GABRB3: variants seen among roughly 807,000 people sequenced by gnomAD.
The protein encoded by GABRB3 is gamma-aminobutyric acid receptor subunit beta-3.
In GABRB3, 14 loss-of-function variants were observed where a neutral mutation model predicts 52.1. The observed-to-expected ratio is 0.27, with a 90% CI of 0.18 to 0.42. GABRB3 has a LOEUF of 0.42. Ranked by LOEUF, GABRB3 falls within the 10% of genes least tolerant of loss-of-function variation. The probability of loss-of-function intolerance (pLI) is 1.00; values close to 1 mark genes in which losing one functional copy is unlikely to be tolerated. For missense variants in GABRB3, 307 were observed against 609.1 expected (o/e 0.50, Z 5.22); for synonymous variants, 260 against 232.3 (o/e 1.12, Z -1.08).
At chr15:26,696,468 G>T (rs568395754) in intron 3 of GABRB3, among the ~76,000 whole-genome samples, 1 of 152,228 alleles carries the variant, frequency 6.6e-6, no homozygotes, top group African/African-American at 2.4e-5. Flanking sequence ...TCCAAACTTT[G>T]GGACCTGCAA....
intron 3 of GABRB3, among the ~76,000 whole-genome samples, chr15:26,650,045 G>A (rs1887149326): frequency 6.6e-6 from 1 of 152,134 alleles, no homozygotes; most frequent in African/African-American, 2.4e-5. Context: ...CAGCCAGCAA[G>A]TTTGTGTAGC....
chr15:26,659,038 T>A (rs1023111588), intron 3 of GABRB3, among the ~76,000 whole-genome samples: 1 of 152,212 alleles, frequency 6.6e-6, no homozygotes, highest in African/African-American at 2.4e-5. Context: ...AGAGGCTGCA[T>A]CCACTCTATT....
At chr15:26,761,380 G>T (rs948692997) in intron 3 of GABRB3, among the ~76,000 whole-genome samples, 1 of 145,102 alleles carries the variant, frequency 6.9e-6, no homozygotes, top group Non-Finnish European at 1.5e-5. Context: ...GGGTGACACA[G>T]CAAGACTCCA....
At chr15:26,598,553 A>C (rs1189544036) in intron 4 of GABRB3, among the ~76,000 whole-genome samples, 1 of 152,170 alleles carries the variant, frequency 6.6e-6, no homozygotes, top group African/African-American at 2.4e-5. Context: ...AGAAGAGTAA[A>C]AAGAAAGGTC....
chr15:26,580,907 T>C (rs1284884962), intron 5 of GABRB3, among the ~76,000 whole-genome samples: 1 of 152,242 alleles, frequency 6.6e-6, no homozygotes, highest in Non-Finnish European at 1.5e-5. Context: ...TCACCAGTGG[T>C]TGATTACATG....
At chr15:26,555,958 T>C (rs1419160523) in intron 8 of GABRB3, among the ~76,000 whole-genome samples, 1 of 152,160 alleles carries the variant, frequency 6.6e-6, no homozygotes, top group Non-Finnish European at 1.5e-5. Context: ...TGTTAAATCT[T>C]AGGAGCCAAA....
intron 3 of GABRB3, among the ~76,000 whole-genome samples, chr15:26,713,424 C>A (rs994127924): frequency 2.6e-5 from 4 of 152,030 alleles, no homozygotes; most frequent in African/African-American, 9.7e-5. Flanking sequence ...GCCCTATCAG[C>A]AACACTGGCA....
At chr15:26,766,385 A>G (rs3212336) in intron 3 of GABRB3, among the ~76,000 whole-genome samples, 108,891 of 152,056 alleles carry the variant, frequency 0.72, 39,122 homozygotes, top group South Asian at 0.74. Flanking sequence ...AGTCCCAAAC[A>G]TGAGCCTTTC....
intron 8 of GABRB3, among the ~76,000 whole-genome samples, chr15:26,558,160 T>C (rs1889825655): frequency 6.6e-6 from 1 of 152,252 alleles, no homozygotes; most frequent in African/African-American, 2.4e-5. Context: ...CCTAGTAGGA[T>C]GTGGACCTAT....
chr15:26,745,697 T>C (rs1890319323), intron 3 of GABRB3, among the ~76,000 whole-genome samples: 1 of 152,244 alleles, frequency 6.6e-6, no homozygotes, highest in African/African-American at 2.4e-5. Flanking sequence ...ATTTTATTAT[T>C]TCATAATAAT....
chr15:26,584,168 T>C (rs894353926), intron 4 of GABRB3, among the ~76,000 whole-genome samples: 1 of 152,230 alleles, frequency 6.6e-6, no homozygotes, highest in African/African-American at 2.4e-5. Context: ...TTATTAGCTA[T>C]AGTCACCATA....
chr15:26,769,107 A>T (rs1411386637), intron 3 of GABRB3, among the ~76,000 whole-genome samples: 1 of 152,226 alleles, frequency 6.6e-6, no homozygotes, highest in East Asian at 1.9e-4. Flanking sequence ...AAAAGCAACA[A>T]CAGCATCATT....
At chr15:26,675,045 C>G (rs1888024719) in intron 3 of GABRB3, among the ~76,000 whole-genome samples, 1 of 152,148 alleles carries the variant, frequency 6.6e-6, no homozygotes, top group African/African-American at 2.4e-5. Context: ...GCTAGTGGGC[C>G]TTCCTATGAA....
At position 26,554,037 on chromosome 15, in the gene GABRB3, T is replaced by TATAGATATATATATATATATATA. The variant is rs59100810; in HGVS notation, c.1081-5904_1081-5903insTATATATATATATATATATCTAT. Among the ~76,000 whole-genome samples the TATAGATATATATATATATATATA allele has an allele frequency of 1.7e-4, 10 of 58,486 alleles. 2 individuals are homozygous for TATAGATATATATATATATATATA. Among genetic ancestry groups the TATAGATATATATATATATATATA allele is most frequent in the African/African-American group, 2.4e-4 (3 of 12,502 alleles). The allele number at this position is 58,486 out of a possible 152,430, so 38.4% of individuals were successfully genotyped here. On this transcript the variant is annotated intron_variant, in intron 8 of 8. Coordinates refer to ENST00000311550, the MANE Select transcript of GABRB3 (RefSeq NM_000814.6). ...CCTGACTATTTATATATATATATAT[T>TATAGATATATATATATATATATA]TATTTATTTATATTTATTTATATAT...
upstream of GABRB3, chr15:26,773,742 C>G (rs774673947): frequency 6.4e-7 from 1 of 1,553,850 alleles, no homozygotes; most frequent in South Asian, 1.2e-5. Flanking sequence ...TTCCTCCGGC[C>G]TAACCTGCTG....
chr15:26,558,641 G>A (rs542525582), intron 8 of GABRB3, among the ~76,000 whole-genome samples: 1 of 152,218 alleles, frequency 6.6e-6, no homozygotes, highest in Non-Finnish European at 1.5e-5. Context: ...AGTGGCTCAC[G>A]CCTGTAATCC....
intron 4 of GABRB3, among the ~76,000 whole-genome samples, chr15:26,611,067 G>T (rs1426635647): frequency 6.6e-6 from 1 of 152,136 alleles, no homozygotes; most frequent in Non-Finnish European, 1.5e-5. Context: ...TAACCTTAAG[G>T]TTCTTACATA....
intron 3 of GABRB3, among the ~76,000 whole-genome samples, chr15:26,696,390 T>C (rs1034133590): frequency 6.6e-6 from 1 of 152,170 alleles, no homozygotes; most frequent in Non-Finnish European, 1.5e-5. Flanking sequence ...ACTGTTATTA[T>C]TATTATCATT....
In GABRB3 at chr15:26,709,618, T is replaced by C. The variant is rs528243390; in HGVS notation, c.240+62784A>G. Among the ~76,000 whole-genome samples the C allele has an allele frequency of 8.4e-5, 12 of 143,288 alleles. No individual in the cohort carries two copies. In the South Asian group the frequency reaches 1.9e-3, roughly 23 times the overall value. The allele number at this position is 143,288 out of a possible 152,430, so 94.0% of individuals were successfully genotyped here. A position where few individuals can be genotyped will look rare whatever the true frequency, so the allele number is the denominator to read the frequency against. ...CTGCAAGCTCTGCCTCCTGGGTTCATGCCATTCTCCTGCCTCAGCCTCCCG... is the reference window on the plus strand; with the variant it reads ...CTGCAAGCTCTGCCTCCTGGGTTCACGCCATTCTCCTGCCTCAGCCTCCCG... On this transcript the variant is annotated intron_variant, in intron 3 of 8. Transcript: ENST00000311550.
Sources: gnomAD v4.1 joint callset for allele counts (sites outside exome capture counted in the v4.1 genomes callset) on GRCh38, gnomAD v4.1.1 for gene constraint, MANE v1.5 for transcripts, NCBI Gene and HGNC (gene_info 2026-07-23, HGNC 2026-07-21) for gene names.